The following ADAMTSL1 variants were observed in gnomAD, a reference collection of about 807,000 sequenced individuals.
The protein encoded by ADAMTSL1 is ADAMTS-like protein 1.
In ADAMTSL1, 126 loss-of-function variants were observed where a neutral mutation model predicts 201.8. The observed-to-expected ratio is 0.62, with a 90% CI of 0.54 to 0.72. ADAMTSL1 has a LOEUF of 0.72. Ranked by LOEUF, ADAMTSL1 falls within the 30% of genes least tolerant of loss-of-function variation. ADAMTSL1 has a pLI of 0.00. For synonymous variants in ADAMTSL1, 1,121 were observed against 903.4 expected, an observed-to-expected ratio of 1.24 and a Z score of -4.32; for missense variants, 2,679 against 2,277.8, an observed-to-expected ratio of 1.18 and a Z score of -3.59.
At chr9:18,094,693 T>C (rs1438014034) in intron 1 of ADAMTSL1, among the ~76,000 whole-genome samples, 3 of 151,886 alleles carry the variant, frequency 2.0e-5, no homozygotes, top group Non-Finnish European at 4.4e-5. Context: ...CCCGAGTAGG[T>C]GGGACTACAG....
chr9:18,327,160 A>G (rs374126737), intron 2 of ADAMTSL1, among the ~76,000 whole-genome samples: 1 of 152,202 alleles, frequency 6.6e-6, no homozygotes, highest in African/African-American at 2.4e-5. Flanking sequence ...GCTTCTTTCT[A>G]AAGAGCAGTG....
At chr9:18,584,081 G>A (rs1587638153) in intron 4 of ADAMTSL1, among the ~76,000 whole-genome samples, 1 of 152,212 alleles carries the variant, frequency 6.6e-6, no homozygotes, top group East Asian at 1.9e-4. Flanking sequence ...AATATGAGAA[G>A]GGGATGAGGT....
intron 1 of ADAMTSL1, among the ~76,000 whole-genome samples, chr9:18,108,717 C>A (rs1042337789): frequency 1.1e-4 from 16 of 151,968 alleles, no homozygotes; most frequent in African/African-American, 3.6e-4. Flanking sequence ...AAAAATTAGT[C>A]AATGTGATGA....
intron 1 of ADAMTSL1, among the ~76,000 whole-genome samples, chr9:18,479,387 C>A (rs1484073027): frequency 2.6e-5 from 4 of 152,152 alleles, no homozygotes; most frequent in Admixed American, 2.6e-4. Context: ...TTTGCTGTAT[C>A]CACAAGCATT....
intron 2 of ADAMTSL1, among the ~76,000 whole-genome samples, chr9:18,231,267 A>G (rs1944752): frequency 0.56 from 84,626 of 151,850 alleles, 23,859 homozygotes; most frequent in East Asian, 0.74. Flanking sequence ...GCTCCTCCCT[A>G]TCTCTCTAAA....
chr9:18,078,151 C>G (rs148033766), intron 1 of ADAMTSL1, among the ~76,000 whole-genome samples: 1 of 152,108 alleles, frequency 6.6e-6, no homozygotes, highest in South Asian at 2.1e-4. Context: ...CTTGTGAGCA[C>G]GGAGTTCAAG....
intron 15 of ADAMTSL1, 32 bp downstream of exon 15, chr9:18,721,697 G>C: frequency 6.2e-7 from 1 of 1,611,038 alleles, no homozygotes; most frequent in Non-Finnish European, 8.5e-7. Context: ...CTGCTGTCCA[G>C]GGGCACGTAC....
intron 5 of ADAMTSL1, among the ~76,000 whole-genome samples, chr9:18,626,040 C>T (rs369495672): frequency 3.3e-5 from 5 of 152,148 alleles, no homozygotes; most frequent in African/African-American, 1.2e-4. Context: ...GTACAAAATA[C>T]ATATGGATTT....
At chr9:18,871,952 CT>C (rs1379003155) in intron 23 of ADAMTSL1, among the ~76,000 whole-genome samples, 1 of 152,200 alleles carries the variant, frequency 6.6e-6, no homozygotes, top group Non-Finnish European at 1.5e-5. Flanking sequence ...AGATTCTGGC[CT>C]TCAAGGCCCT....
chr9:18,507,718 C>T (rs949929352), intron 2 of ADAMTSL1, among the ~76,000 whole-genome samples: 1 of 152,098 alleles, frequency 6.6e-6, no homozygotes, highest in African/African-American at 2.4e-5. Context: ...AACCCCCTAC[C>T]CCACGCATGT....
At chr9:18,538,218 G>C (rs1819913693) in intron 3 of ADAMTSL1, among the ~76,000 whole-genome samples, 1 of 152,086 alleles carries the variant, frequency 6.6e-6, no homozygotes, top group Non-Finnish European at 1.5e-5. Context: ...TCTGGTGGGA[G>C]GATTTGGGTA....
At chr9:18,699,009 C>T (rs756102204) in intron 13 of ADAMTSL1, among the ~76,000 whole-genome samples, 12 of 152,196 alleles carry the variant, frequency 7.9e-5, no homozygotes, top group Non-Finnish European at 1.5e-4. Flanking sequence ...ACATCAAGAT[C>T]CCAGGCTTTG....
At chr9:18,486,185 T>C (rs1821982586) in intron 1 of ADAMTSL1, among the ~76,000 whole-genome samples, 1 of 152,198 alleles carries the variant, frequency 6.6e-6, no homozygotes, top group African/African-American at 2.4e-5. Flanking sequence ...ATTCAAGGCC[T>C]CCCAGTTAAA....
intron 13 of ADAMTSL1, among the ~76,000 whole-genome samples, chr9:18,687,593 A>C (rs1173254812): frequency 6.6e-6 from 1 of 152,210 alleles, no homozygotes; most frequent in East Asian, 1.9e-4. Flanking sequence ...GGAAAGTGAA[A>C]ATATTATCAC....
intron 1 of ADAMTSL1, among the ~76,000 whole-genome samples, chr9:18,014,926 A>G (rs1398782792): frequency 5.3e-5 from 8 of 152,086 alleles, no homozygotes; most frequent in Non-Finnish European, 5.9e-5. Flanking sequence ...AAGGCCAAGT[A>G]TAGTGATCAT....
At chr9:18,162,211 A>G (rs1008762515) in intron 1 of ADAMTSL1, among the ~76,000 whole-genome samples, 3 of 151,862 alleles carry the variant, frequency 2.0e-5, no homozygotes, top group Non-Finnish European at 4.4e-5. Flanking sequence ...TGCCCCTCCC[A>G]TCTTCAAGCC....
At chr9:17,958,449 AT>A (rs758276072) in intron 1 of ADAMTSL1, among the ~76,000 whole-genome samples, 8 of 152,088 alleles carry the variant, frequency 5.3e-5, no homozygotes, top group Non-Finnish European at 1.2e-4. Flanking sequence ...TTTAGTTGAC[AT>A]TTTTCTTCCA....
At chr9:18,562,422 C>T (rs1349641145) in intron 3 of ADAMTSL1, among the ~76,000 whole-genome samples, 4 of 152,152 alleles carry the variant, frequency 2.6e-5, no homozygotes, top group Admixed American at 6.5e-5. Context: ...TGTCAGTACC[C>T]GACCTTTCTC....
chr9:18,245,074 A>G lies in ADAMTSL1; in HGVS notation c.207+81093A>G, dbSNP rs1213916428. ...ACCATCAAGGTGGGAGTAACAAGTT[A>G]AGGTCTGTTGAGCTGTTACATGGCA... On this transcript the variant is annotated intron_variant, in intron 2 of 29. Coordinates refer to the ADAMTSL1 transcript ENST00000680146. Among the ~76,000 whole-genome samples the G allele has an allele frequency of 5.3e-5, 8 of 152,276 alleles. No individual in the cohort carries two copies. In the East Asian group the frequency reaches 9.7e-4, roughly 18 times the overall value.
Sources: gnomAD v4.1 joint callset for allele counts (sites outside exome capture counted in the v4.1 genomes callset) on GRCh38, gnomAD v4.1.1 for gene constraint, MANE v1.5 for transcripts, NCBI Gene and HGNC (gene_info 2026-07-23, HGNC 2026-07-21) for gene names.